DOCK1: variants seen among roughly 807,000 people sequenced by gnomAD.
DOCK1 encodes the protein dedicator of cytokinesis 1, also known as dedicator of cytokinesis protein 1.
DOCK1 carries 138 observed loss-of-function variants against 262.7 expected under a neutral mutation model. That is an observed-to-expected ratio of 0.53 (90% CI 0.46 to 0.61). DOCK1 has a LOEUF of 0.61. DOCK1 is among the 20% of genes least tolerant of loss of function. The pLI is 0.00. For synonymous variants in DOCK1, 866 were observed against 867.4 expected (o/e 1.00, Z 0.03); for missense variants, 1,908 against 2,370.7 (o/e 0.80, Z 4.05).
chr10:127,056,583 C>T (rs547670359), intron 22 of DOCK1, among the ~76,000 whole-genome samples: 19 of 152,240 alleles, frequency 1.2e-4, no homozygotes, highest in South Asian at 2.1e-4. Context: ...CTCCTCGCTT[C>T]GTTCTTTCCT....
intron 21 of DOCK1, among the ~76,000 whole-genome samples, chr10:127,043,522 G>A (rs1182808938): frequency 6.6e-6 from 1 of 152,244 alleles, no homozygotes; most frequent in Non-Finnish European, 1.5e-5. Flanking sequence ...GTGTTCCCGT[G>A]TTAAGGAGAT....
intron 16 of DOCK1, among the ~76,000 whole-genome samples, chr10:127,027,623 C>T (rs2042958351): frequency 6.6e-6 from 1 of 152,110 alleles, no homozygotes; most frequent in African/African-American, 2.4e-5. Flanking sequence ...ATTAAACCTT[C>T]CTCCTAGGGT....
intron 1 of DOCK1, among the ~76,000 whole-genome samples, chr10:126,959,910 C>A (rs1212286776): frequency 6.6e-6 from 1 of 152,074 alleles, no homozygotes; most frequent in African/African-American, 2.4e-5. Flanking sequence ...CCCCGCCTCC[C>A]GGGTTTCTCC....
chr10:127,287,618 T>C (rs1202786487), intron 29 of DOCK1, among the ~76,000 whole-genome samples: 1 of 152,240 alleles, frequency 6.6e-6, no homozygotes, highest in Non-Finnish European at 1.5e-5. Flanking sequence ...TGCTATACTT[T>C]TGTAAACTGA....
intron 27 of DOCK1, among the ~76,000 whole-genome samples, chr10:127,139,049 C>T (rs148332974): frequency 2.6e-5 from 4 of 152,280 alleles, no homozygotes; most frequent in African/African-American, 4.8e-5. Flanking sequence ...GCGTTCTGGG[C>T]CAGGCCTTGG....
At chr10:127,014,394 C>T (rs933865019) in intron 12 of DOCK1, among the ~76,000 whole-genome samples, 1 of 152,160 alleles carries the variant, frequency 6.6e-6, no homozygotes, top group Non-Finnish European at 1.5e-5. Flanking sequence ...TAATCAGGAA[C>T]ATTTAATTTC....
At chr10:127,311,895 C>T (rs1399092373) in intron 29 of DOCK1, among the ~76,000 whole-genome samples, 1 of 151,830 alleles carries the variant, frequency 6.6e-6, no homozygotes, top group East Asian at 1.9e-4. Context: ...GATGGAGTCT[C>T]ACTCTGTCAC....
At position 127,106,395 on chromosome 10, in the gene DOCK1, A is replaced by T. The variant is rs985533529; in HGVS notation, c.2516+94A>T. 10 of 1,286,808 alleles carry T rather than the reference A, an allele frequency of 7.8e-6. No homozygotes were observed. In the African/African-American group the frequency reaches 1.5e-4, roughly 19 times the overall value. The allele number at this position is 1,286,808 out of a possible 1,614,324, so 79.7% of individuals were successfully genotyped here. On this transcript the variant is annotated intron_variant, in intron 24 of 51. Transcript: ENST00000623213. ...TATGGGATGCTCAGGGTTCTGCCTCATGTCTCCATATGTCAGTGCCCTGGA... is the reference window on the plus strand; with the variant it reads ...TATGGGATGCTCAGGGTTCTGCCTCTTGTCTCCATATGTCAGTGCCCTGGA...
intron 27 of DOCK1, among the ~76,000 whole-genome samples, chr10:127,187,325 T>C (rs1223572703): frequency 1.3e-5 from 2 of 152,296 alleles, no homozygotes; most frequent in South Asian, 2.1e-4. Context: ...AGTTCATGAA[T>C]AGAAGTTAGC....
intron 1 of DOCK1, among the ~76,000 whole-genome samples, chr10:126,921,418 T>C (rs544833414): frequency 2.6e-5 from 4 of 152,092 alleles, no homozygotes; most frequent in East Asian, 1.9e-4. Flanking sequence ...GAAAACATGC[T>C]AAGGGCAAGA....
intron 29 of DOCK1, among the ~76,000 whole-genome samples, chr10:127,274,012 T>A (rs1398511064): frequency 6.6e-6 from 1 of 152,212 alleles, no homozygotes; most frequent in Non-Finnish European, 1.5e-5. Flanking sequence ...AATAAAGTGT[T>A]TCTTATGAGA....
intron 23 of DOCK1, among the ~76,000 whole-genome samples, chr10:127,079,776 C>T (rs923735216): frequency 6.6e-6 from 1 of 152,056 alleles, no homozygotes; most frequent in Non-Finnish European, 1.5e-5. Context: ...TCTAAAAATA[C>T]AAAAATTAGC....
intron 3 of DOCK1, among the ~76,000 whole-genome samples, 173 bp downstream of exon 3, chr10:126,978,161 A>G (rs987663981): frequency 1.3e-5 from 2 of 152,308 alleles, no homozygotes; most frequent in Admixed American, 6.5e-5. Flanking sequence ...CTTCTGAACA[A>G]TATGTGTACA....
chr10:127,093,330 C>A (rs1591996189), intron 23 of DOCK1, among the ~76,000 whole-genome samples: 1 of 140,450 alleles, frequency 7.1e-6, no homozygotes, highest in African/African-American at 2.7e-5. Flanking sequence ...ACTGCAACTT[C>A]CACCTTCCAG....
rs144056719 is a variant in DOCK1, at chr10:127,382,634, G to A, written c.3807+1266G>A. ...AGCTATCCCACTATGAATTCTGATG[G>A]CCTTCATTTATTCAAAACTCAAATT... is the stretch of plus-strand genomic sequence containing the variant. On this transcript the variant is annotated intron_variant, in intron 37 of 51. Transcript: ENST00000623213. Among the ~76,000 whole-genome samples, 142 of 152,222 alleles carry A rather than the reference G, an allele frequency of 9.3e-4. 1 individual carries two copies. The East Asian group carries it at 0.022, about 24-fold the overall frequency.
chr10:127,192,142 T>C (rs777856848), intron 27 of DOCK1, among the ~76,000 whole-genome samples: 3 of 152,234 alleles, frequency 2.0e-5, no homozygotes, highest in Non-Finnish European at 2.9e-5. Flanking sequence ...GATGTAAGAC[T>C]CTCTTCTTTT....
At chr10:127,395,400 C>A (rs971820438) in intron 38 of DOCK1, among the ~76,000 whole-genome samples, 6 of 152,144 alleles carry the variant, frequency 3.9e-5, no homozygotes, top group Non-Finnish European at 7.4e-5. Context: ...TTCATGAGGG[C>A]TCCACCGTCA....
At chr10:126,993,296 C>T (rs2039944978) in intron 6 of DOCK1, among the ~76,000 whole-genome samples, 2 of 152,238 alleles carry the variant, frequency 1.3e-5, no homozygotes, top group African/African-American at 2.4e-5. Flanking sequence ...TTTGTAGCTG[C>T]CCTGGCACCA....
chr10:127,302,375 G>C (rs1319875567), intron 29 of DOCK1, among the ~76,000 whole-genome samples: 1 of 152,048 alleles, frequency 6.6e-6, no homozygotes. Flanking sequence ...GGAGAGCCCT[G>C]GGGGGCCACT....
Sources: allele counts gnomAD v4.1 joint callset (sites outside exome capture counted in the v4.1 genomes callset), GRCh38; gene constraint gnomAD v4.1.1; transcripts MANE v1.5; gene names NCBI Gene and HGNC (gene_info 2026-07-23, HGNC 2026-07-21).